Variants in KYNU observed in about 807,000 individuals in gnomAD.
The protein encoded by KYNU is L-kynurenine hydrolase.
Under a neutral mutation model 59.2 loss-of-function variants are expected in KYNU, and 54 were observed. The observed-to-expected ratio is 0.91, with a 90% CI of 0.73 to 1.14. The LOEUF is 1.14. Among genes scored for constraint, KYNU ranks in the 50% most tolerant of loss-of-function variants. The pLI, the probability that KYNU is intolerant of heterozygous loss-of-function variation, is 0.00. For missense variants in KYNU, 567 were observed against 554.4 expected (o/e 1.02, Z -0.23); for synonymous variants, 177 against 192.0 (o/e 0.92, Z 0.65).
At chr2:142,882,571 C>A (rs1174032652) in intron 1 of KYNU, among the ~76,000 whole-genome samples, 8 of 152,080 alleles carry the variant, frequency 5.3e-5, no homozygotes, top group Admixed American at 5.2e-4. Flanking sequence ...TGAGTGAGAA[C>A]ATGTGGTGTT....
chr2:143,019,869 T>A (rs973226868), intron 10 of KYNU, among the ~76,000 whole-genome samples: 4 of 152,048 alleles, frequency 2.6e-5, no homozygotes, highest in Non-Finnish European at 5.9e-5. Context: ...GTAGATCATG[T>A]GCATCCAGGA....
At chr2:142,960,135 C>T (rs545865309) in intron 7 of KYNU, among the ~76,000 whole-genome samples, 1 of 152,194 alleles carries the variant, frequency 6.6e-6, no homozygotes, top group South Asian at 2.1e-4. Context: ...GATCTGCCCA[C>T]CTTGGCATCC....
At chr2:142,983,315 C>A (rs189287468) in intron 8 of KYNU, among the ~76,000 whole-genome samples, 3 of 152,144 alleles carry the variant, frequency 2.0e-5, no homozygotes, top group African/African-American at 7.2e-5. Context: ...AGGGAGCAAG[C>A]TTAGTCACTC....
chr2:142,944,164 T>A (rs1683697501), intron 4 of KYNU, among the ~76,000 whole-genome samples: 1 of 152,236 alleles, frequency 6.6e-6, no homozygotes, highest in African/African-American at 2.4e-5. Flanking sequence ...GTCAGTTAGT[T>A]CATCTCTTTG....
intron 11 of KYNU, among the ~76,000 whole-genome samples, chr2:143,030,677 T>C (rs1449292248): frequency 6.6e-6 from 1 of 151,764 alleles, no homozygotes; most frequent in Non-Finnish European, 1.5e-5. Flanking sequence ...TATTATTTAG[T>C]GGAGATGAGG....
intron 10 of KYNU, among the ~76,000 whole-genome samples, chr2:143,008,055 C>G (rs1350893644): frequency 1.6e-5 from 2 of 124,746 alleles, no homozygotes; most frequent in African/African-American, 6.9e-5. Context: ...TCACACATAA[C>G]AATATTAACT....
chr2:143,023,472 A>G (rs1686463996), intron 10 of KYNU, among the ~76,000 whole-genome samples: 2 of 151,938 alleles, frequency 1.3e-5, no homozygotes, highest in South Asian at 2.1e-4. Context: ...TTACCATCTT[A>G]ATTGATATAT....
chr2:142,914,956 C>T (rs1682624299), intron 2 of KYNU, among the ~76,000 whole-genome samples: 2 of 152,132 alleles, frequency 1.3e-5, no homozygotes, highest in South Asian at 4.1e-4. Context: ...AGAGCCGGGG[C>T]TTTCCTGTTA....
chr2:142,917,445 T>C (rs1443286404), intron 2 of KYNU, among the ~76,000 whole-genome samples: 9 of 149,484 alleles, frequency 6.0e-5, no homozygotes, highest in African/African-American at 2.5e-5. Flanking sequence ...GTCCAAACCA[T>C]TGATGTGATA....
At position 142,893,842 on chromosome 2, in the gene KYNU, A is replaced by T. The variant is rs151075515; in HGVS notation, c.169+8306A>T. Reference sequence around the variant, plus strand: ...ACTCTCTAAGGATATATTGGCCCCAATGTCTAAGGTCAACATTAGCCAGAT... The same window carrying T: ...ACTCTCTAAGGATATATTGGCCCCATTGTCTAAGGTCAACATTAGCCAGAT... On this transcript the variant is annotated intron_variant, in intron 2 of 13. Transcript: ENST00000264170. Among the ~76,000 whole-genome samples, 1,226 of 152,266 alleles carry T rather than the reference A, an allele frequency of 8.1e-3. 23 individuals are homozygous for T. The highest frequency in any genetic ancestry group is 0.028 in the African/African-American group (1,181 of 41,558).
At chr2:142,968,071 C>A (rs1573852194) in intron 8 of KYNU, among the ~76,000 whole-genome samples, 4 of 152,258 alleles carry the variant, frequency 2.6e-5, no homozygotes, top group Admixed American at 2.6e-4. Context: ...TTGTCACTGG[C>A]CATTCACCGA....
chr2:142,903,802 G>A (rs1163546662), intron 2 of KYNU, among the ~76,000 whole-genome samples: 1 of 152,190 alleles, frequency 6.6e-6, no homozygotes, highest in Non-Finnish European at 1.5e-5. Context: ...GGGCATGGAC[G>A]AGGGGGGTGG....
Position 143,033,393 on chromosome 2 carries a change from A to T in KYNU, c.1041+72A>T, listed in dbSNP as rs998678745. On this transcript the variant is annotated intron_variant, in intron 12 of 13. Coordinates refer to ENST00000264170, the MANE Select transcript of KYNU (RefSeq NM_003937.3). ...TGATCTGTTTGTGACAATTCATAGT[A>T]CTTTCTCTGCTACACAGCAAGATGA... 4 of 1,048,918 alleles carry T rather than the reference A, an allele frequency of 3.8e-6. No individual in the cohort carries two copies. In the African/African-American group the frequency reaches 6.3e-5, roughly 16 times the overall value. 65.0% of individuals were successfully genotyped at this position (1,048,918 alleles called of 1,614,324 possible).
At chr2:142,926,367 A>G (rs1377083514) in intron 3 of KYNU, among the ~76,000 whole-genome samples, 1 of 152,342 alleles carries the variant, frequency 6.6e-6, no homozygotes, top group South Asian at 2.1e-4. Flanking sequence ...TTATGAAATA[A>G]GTTTTAAAAT....
intron 1 of KYNU, among the ~76,000 whole-genome samples, chr2:142,880,034 G>T (rs1681237243): frequency 6.6e-6 from 1 of 152,222 alleles, no homozygotes; most frequent in Admixed American, 6.5e-5. Context: ...CATATGGTCA[G>T]AATGAGAGAG....
chr2:142,918,643 C>T lies in KYNU; in HGVS notation c.204C>T (p.Ala68=), dbSNP rs755736195. 9 of 1,606,914 alleles carry T rather than the reference C, an allele frequency of 5.6e-6. No individual in the cohort carries two copies. In the Admixed American group the frequency reaches 1.5e-4, roughly 27 times the overall value. ...DLSLVNKDEN[A]IYFLGNSLGL... ...CATTAGTGAATAAAGATGAAAATGC[C>T]ATCTATTTCTTGGGAAATTCTCTTG... Residue 68 remains alanine (A), a synonymous_variant, in exon 3 of 14, where the codon GCC becomes GCT. Transcript: ENST00000264170.
intron 10 of KYNU, among the ~76,000 whole-genome samples, chr2:142,996,879 G>C (rs1685562085): frequency 6.6e-6 from 1 of 152,164 alleles, no homozygotes; most frequent in African/African-American, 2.4e-5. Flanking sequence ...TTCTCTTCCA[G>C]CTTTCGAATG....
chr2:142,998,916 C>T (rs1264735600), intron 10 of KYNU, among the ~76,000 whole-genome samples: 1 of 137,934 alleles, frequency 7.2e-6, no homozygotes, highest in Non-Finnish European at 1.5e-5. Context: ...GGCTGAGGCA[C>T]AAGAATCACT....
chr2:142,890,855 A>G (rs1387071625), intron 2 of KYNU, among the ~76,000 whole-genome samples: 1 of 152,222 alleles, frequency 6.6e-6, no homozygotes, highest in Non-Finnish European at 1.5e-5. Flanking sequence ...TGCAGTTCTT[A>G]GACAACCGTT....
Sources: gnomAD v4.1 joint callset for allele counts (sites outside exome capture counted in the v4.1 genomes callset) on GRCh38, gnomAD v4.1.1 for gene constraint, MANE v1.5 for transcripts, NCBI Gene and HGNC (gene_info 2026-07-23, HGNC 2026-07-21) for gene names.